The following TAFA5 variants were observed in gnomAD, a reference collection of about 807,000 sequenced individuals.
The protein encoded by TAFA5 is TAFA chemokine like family member 5.
A neutral mutation model predicts 15.3 loss-of-function variants in TAFA5; 6 were observed. That is an observed-to-expected ratio of 0.39 (90% confidence interval 0.21 to 0.77). The LOEUF (loss-of-function observed/expected upper bound fraction) is 0.77. TAFA5 is among the 30% of genes least tolerant of loss of function. TAFA5 has a pLI of 0.41. For synonymous variants in TAFA5, 103 were observed against 80.7 expected (o/e 1.28, Z -1.48); for missense variants, 161 against 193.1 (o/e 0.83, Z 0.98).
intron 1 of TAFA5, among the ~76,000 whole-genome samples, chr22:48,646,254 G>A (rs1926858695): frequency 1.3e-5 from 2 of 152,208 alleles, no homozygotes; most frequent in Non-Finnish European, 2.9e-5. Context: ...GCCTGATTGT[G>A]TGCAGGGGAG....
chr22:48,633,522 CTG>C (rs375339172), intron 1 of TAFA5, among the ~76,000 whole-genome samples: 2,953 of 90,052 alleles, frequency 0.033, 66 homozygotes, highest in African/African-American at 0.051. Context: ...GTCTGTCTGT[CTG>C]TCTGTCTGTC....
intron 1 of TAFA5, among the ~76,000 whole-genome samples, chr22:48,522,636 C>T (rs776843613): frequency 1.4e-4 from 21 of 152,308 alleles, no homozygotes; most frequent in Admixed American, 3.3e-4. Context: ...TCCTCTCATC[C>T]GCCCCTGGGA....
intron 2 of TAFA5, 124 bp downstream of exon 2, chr22:48,646,870 C>A: frequency 8.0e-7 from 1 of 1,244,334 alleles, no homozygotes; most frequent in Non-Finnish European, 1.1e-6. Context: ...TCGGGTCAGG[C>A]CCCTGGCTGT....
intron 1 of TAFA5, chr22:48,539,547 T>G: frequency 2.2e-6 from 1 of 460,686 alleles, no homozygotes; most frequent in Non-Finnish European, 4.5e-6. Context: ...CTCTTCCCAC[T>G]TTCTGTATTT....
At chr22:48,725,098 C>T (rs1033542413) in intron 3 of TAFA5, among the ~76,000 whole-genome samples, 7 of 152,370 alleles carry the variant, frequency 4.6e-5, no homozygotes, top group African/African-American at 1.2e-4. Flanking sequence ...CCTGAGGAGC[C>T]GCCTCCAGCT....
intron 1 of TAFA5, among the ~76,000 whole-genome samples, chr22:48,639,918 A>C (rs1926611558): frequency 6.6e-6 from 1 of 151,936 alleles, no homozygotes; most frequent in Admixed American, 6.6e-5. Context: ...CCTCATCCAC[A>C]GGCCCCAAAT....
intron 2 of TAFA5, among the ~76,000 whole-genome samples, chr22:48,677,263 T>C (rs1928004678): frequency 6.6e-6 from 1 of 152,222 alleles, no homozygotes; most frequent in Non-Finnish European, 1.5e-5. Context: ...GGCTCCCCCA[T>C]AGGCCTGGGG....
chr22:48,637,341 C>T (rs543219144), intron 1 of TAFA5, among the ~76,000 whole-genome samples: 4 of 152,118 alleles, frequency 2.6e-5, no homozygotes, highest in African/African-American at 9.6e-5. Flanking sequence ...CACATGTGCC[C>T]ATGGCAGGAA....
At chr22:48,537,653 G>A (rs1252898908) in intron 1 of TAFA5, among the ~76,000 whole-genome samples, 2 of 152,214 alleles carry the variant, frequency 1.3e-5, no homozygotes, top group East Asian at 3.9e-4. Flanking sequence ...CTTGTTTCAG[G>A]GGGAAGCCCA....
chr22:48,667,775 T>G (rs12485017), intron 2 of TAFA5, among the ~76,000 whole-genome samples: 9,421 of 19,702 alleles, frequency 0.48, 2,251 homozygotes, highest in East Asian at 0.76. Context: ...CACTGGGAGC[T>G]GTAATCCCCC....
chr22:48,558,912 C>T (rs967428743), intron 1 of TAFA5, among the ~76,000 whole-genome samples: 2 of 152,306 alleles, frequency 1.3e-5, no homozygotes, highest in African/African-American at 2.4e-5. Flanking sequence ...AGGAGCATGG[C>T]GGGAAATTCA....
At position 48,742,637 on chromosome 22, in the gene TAFA5, A is replaced by G. The variant is rs1445608305; in HGVS notation, c.391-7202A>G. On this transcript the variant is annotated intron_variant, in intron 3 of 3. Coordinates refer to ENST00000402357, the MANE Select transcript of TAFA5 (RefSeq NM_001082967.3). This position sits in a 1 kb window ranked among gnomAD's most constrained non-coding sequence, Gnocchi z 6.2. Reference sequence around the variant, plus strand: ...CGCATGGTGGACCAGGCAACGTGGTAGACCGGGCCGCATGGTGGACCAGGC... The same window carrying G: ...CGCATGGTGGACCAGGCAACGTGGTGGACCGGGCCGCATGGTGGACCAGGC... 1.4e-5 allele frequency among the ~76,000 whole-genome samples: 2 copies of G among 144,844 alleles called. No homozygotes were observed. Among genetic ancestry groups the G allele is most frequent in the Non-Finnish European group, 3.0e-5 (2 of 65,856 alleles).
chr22:48,615,616 C>G (rs1184300174), intron 1 of TAFA5, among the ~76,000 whole-genome samples: 2 of 152,176 alleles, frequency 1.3e-5, no homozygotes, highest in African/African-American at 4.8e-5. Flanking sequence ...TGAGGACATC[C>G]CCCACGGGTC....
chr22:48,663,645 A>C (rs1016253192), intron 2 of TAFA5, among the ~76,000 whole-genome samples: 2 of 152,226 alleles, frequency 1.3e-5, no homozygotes, highest in African/African-American at 4.8e-5. Context: ...AGAAATAAGT[A>C]ATTTGTAAGT....
At position 48,569,801 on chromosome 22, in the gene TAFA5, C is replaced by T. The variant is rs533361728; in HGVS notation, c.113-76796C>T. Among the ~76,000 whole-genome samples, 5 of 152,352 alleles carry T rather than the reference C, an allele frequency of 3.3e-5. No homozygotes were observed. In the East Asian group the frequency reaches 9.7e-4, roughly 29 times the overall value. On this transcript the variant is annotated intron_variant, in intron 1 of 3. Coordinates refer to ENST00000402357, the MANE Select transcript of TAFA5 (RefSeq NM_001082967.3). ...GTGAGGCCCATGGCTGCCTTCCAGGCCTGTCCCCAGCATGCGGCTGGCGTG... is the reference window on the plus strand; with the variant it reads ...GTGAGGCCCATGGCTGCCTTCCAGGTCTGTCCCCAGCATGCGGCTGGCGTG...
chr22:48,642,279 C>T (rs1008807962), intron 1 of TAFA5, among the ~76,000 whole-genome samples: 1 of 152,200 alleles, frequency 6.6e-6, no homozygotes, highest in South Asian at 2.1e-4. Flanking sequence ...CCCAAATGGC[C>T]TCCTTCCAGA....
rs147709420 is a variant in TAFA5 at position 48,602,717 on chromosome 22, G to A, written c.113-43880G>A. Among the ~76,000 whole-genome samples the A allele has an allele frequency of 5.6e-3, 846 of 152,320 alleles. 11 individuals carry two copies. Among genetic ancestry groups the A allele is most frequent in the Middle Eastern group, 0.027 (8 of 294 alleles). On this transcript the variant is annotated intron_variant, in intron 1 of 3. Transcript: ENST00000402357. Reference sequence around the variant, plus strand: ...ACTCTGGCTGTGGCCGTTTCTCAGGGGACTGTGTGGCCTTGAAGTGTCCGG... The same window carrying A: ...ACTCTGGCTGTGGCCGTTTCTCAGGAGACTGTGTGGCCTTGAAGTGTCCGG...
At chr22:48,724,516 ACACT>A (rs1328335468) in intron 3 of TAFA5, among the ~76,000 whole-genome samples, 1 of 152,224 alleles carries the variant, frequency 6.6e-6, no homozygotes, top group African/African-American at 2.4e-5. Context: ...ATGCAGCCAC[ACACT>A]CACTCCTTGC....
chr22:48,694,426 C>G (rs1036174640), intron 2 of TAFA5, among the ~76,000 whole-genome samples: 1 of 152,144 alleles, frequency 6.6e-6, no homozygotes, highest in East Asian at 1.9e-4. Context: ...TCTGACGTTT[C>G]GAGTGGGGCC....
Sources: allele counts gnomAD v4.1 joint callset (sites outside exome capture counted in the v4.1 genomes callset), GRCh38; gene constraint gnomAD v4.1.1; non-coding constraint Gnocchi (gnomAD v3.1); transcripts MANE v1.5; gene names NCBI Gene and HGNC (gene_info 2026-07-23, HGNC 2026-07-21).